The following AGAP2 variants were observed in gnomAD, a reference collection of about 807,000 sequenced individuals.
The protein encoded by AGAP2 is arf-GAP with GTPase, ANK repeat and PH domain-containing protein 2.
A neutral mutation model predicts 110.9 loss-of-function variants in AGAP2; 32 were observed. The ratio of observed to expected loss-of-function variants is 0.29; its 90% CI spans 0.22 to 0.39. The LOEUF (loss-of-function observed/expected upper bound fraction) is 0.39, where lower values mean the gene tolerates loss of function less well. Ranked by LOEUF, AGAP2 falls within the 10% of genes least tolerant of loss-of-function variation. The pLI, the probability that AGAP2 is intolerant of heterozygous loss-of-function variation, is 1.00. For synonymous variants in AGAP2, 702 were observed against 713.0 expected, an observed-to-expected ratio of 0.98 and a Z score of 0.25; for missense variants, 1,285 against 1,638.5, an observed-to-expected ratio of 0.78 and a Z score of 3.72.
Position 57,726,368 on chromosome 12 carries a change from G to T in AGAP2, c.*184C>A. On this transcript the variant is annotated 3_prime_UTR_variant, in exon 19 of 19. Coordinates refer to ENST00000547588, the MANE Select transcript of AGAP2 (RefSeq NM_001122772.3). This position sits in a 1 kb window ranked among gnomAD's most constrained non-coding sequence, Gnocchi z 5.7. The stretch of plus-strand genomic sequence containing the variant: ...GAGCTGGGGTCTCCATGCCTCGTTG[G>T]GGAGAGGGAGGTGAGTTTGTGTCTT... 1 of 438,742 alleles carries T rather than the reference G, an allele frequency of 2.3e-6. No homozygotes were observed. The highest frequency in any genetic ancestry group is 3.4e-6 in the Non-Finnish European group (1 of 292,680). 27.2% of individuals were successfully genotyped at this position (438,742 alleles called of 1,614,324 possible). A position where few individuals can be genotyped will look rare whatever the true frequency, so the allele number is the denominator to read the frequency against.
intron 13 of AGAP2, among the ~76,000 whole-genome samples, 157 bp downstream of exon 13, chr12:57,729,482 G>T (rs967702174): frequency 1.3e-5 from 2 of 152,124 alleles, no homozygotes; most frequent in Non-Finnish European, 2.9e-5. Context: ...GGGGCTGGGG[G>T]ATGTCCATCC....
chr12:57,737,574 T>G lies in AGAP2; in HGVS notation c.673A>C (p.Lys225Gln). 1 of 1,548,698 alleles carries G rather than the reference T, an allele frequency of 6.5e-7. No individual in the cohort carries two copies. The highest frequency in any genetic ancestry group is 1.2e-5 in the South Asian group (1 of 84,154). ...SEGKPRVKGS[K>Q]SSAGTGASVS... ...GAAGCTCCAGTCCCGGCGCTGCTCT[T>G]TGACCCCTTGACCCTGGGCTTGCCC... is the stretch of plus-strand genomic sequence containing the variant. The change falls in exon 1 of 19, where the codon AAG becomes CAG. Residue 225 changes from lysine (K) to glutamine (Q), a missense_variant. By Grantham distance (53) the Lys-to-Gln change is moderately conservative (BLOSUM62 1). Transcript: ENST00000547588. This position sits in a 1 kb window ranked among gnomAD's most constrained non-coding sequence, Gnocchi z 5.9.
chr12:57,732,338 T>A, intron 7 of AGAP2, 65 bp downstream of exon 7: 1 of 1,447,526 alleles, frequency 6.9e-7, no homozygotes, highest in Non-Finnish European at 9.5e-7. Context: ...TCTGTACCTG[T>A]CCTAGGATCC....
Position 57,731,402 on chromosome 12 carries a change from G to C in AGAP2, c.2109C>G (p.Ser703=). The change falls in exon 10 of 19, where the codon TCC becomes TCG. Residue 703 remains serine, a synonymous_variant. Transcript: ENST00000547588. Reference sequence around the variant, plus strand: ...GGTGGTAGAGTAGAAAGCCATTACTGGACAGGGTTACATATTTCTTCTTCC... The same window carrying C: ...GGTGGTAGAGTAGAAAGCCATTACTCGACAGGGTTACATATTTCTTCTTCC... ...KEWKKKYVTL[S]SNGFLLYHPS... 6.2e-7 allele frequency: 1 copy of C among 1,614,152 alleles called. No individual in the cohort carries two copies. The highest frequency in any genetic ancestry group is 1.1e-5 in the South Asian group (1 of 91,082).
At chr12:57,735,342 T>C in intron 2 of AGAP2, 27 bp downstream of exon 2, 1 of 1,612,054 alleles carries the variant, frequency 6.2e-7, no homozygotes, top group South Asian at 1.1e-5. Flanking sequence ...CAGCCTTCCC[T>C]ATAGGCAAGG....
intron 1 of AGAP2, among the ~76,000 whole-genome samples, chr12:57,736,252 G>C (rs1286578634): frequency 6.6e-6 from 1 of 152,178 alleles, no homozygotes; most frequent in African/African-American, 2.4e-5. Context: ...CCTCTCCCGG[G>C]AGTGTGAGCC....
Position 57,738,231 on chromosome 12 carries a change from C to T in AGAP2, c.16G>A (p.Gly6Ser), listed in dbSNP as rs1228237357. The change falls in exon 1 of 19, where the codon GGC (glycine) becomes AGC (serine). Residue 6 changes from glycine to serine, a missense_variant. Coordinates refer to ENST00000547588, the MANE Select transcript of AGAP2 (RefSeq NM_001122772.3). This position sits in a 1 kb window ranked among gnomAD's most constrained non-coding sequence, Gnocchi z 6.7. Reference protein sequence around the residue: MSRGAGALQRRTTTYL... With the variant: MSRGASALQRRTTTYL... ...GTCGTTGTCCGGCGCTGAAGCGCGC[C>T]CGCGCCCCGGCTCATGGGGCCCGGA... 4.0e-6 allele frequency: 6 copies of T among 1,517,544 alleles called. No homozygotes were observed. The highest frequency in any genetic ancestry group is 4.4e-6 in the Non-Finnish European group (5 of 1,137,858). 94.0% of individuals were successfully genotyped at this position (1,517,544 alleles called of 1,614,324 possible). A position where few individuals can be genotyped will look rare whatever the true frequency, so the allele number is the denominator to read the frequency against.
chr12:57,730,634 C>G lies in AGAP2; in HGVS notation c.2309-20G>C. 1 of 1,609,344 alleles carries G rather than the reference C, an allele frequency of 6.2e-7. No individual in the cohort carries two copies. The highest frequency in any genetic ancestry group is 8.5e-7 in the Non-Finnish European group (1 of 1,177,514). On this transcript the variant is annotated intron_variant, in intron 11 of 18. Coordinates refer to ENST00000547588, the MANE Select transcript of AGAP2 (RefSeq NM_001122772.3). ...TGGCTTCTGTCGGAAGAAGATGAAA[C>G]CTCAGTGAGCCTCTTTCTTCTGGCC...
chr12:57,729,805 C>T (rs1228119361), intron 12 of AGAP2, 38 bp from the exon 13 acceptor site: 1 of 1,559,608 alleles, frequency 6.4e-7, no homozygotes, highest in South Asian at 1.2e-5. Context: ...GTAGCCCCCT[C>T]CACAGATTTC....
chr12:57,732,410 G>A lies in AGAP2; in HGVS notation c.1787C>T (p.Ala596Val), dbSNP rs1482210693. Residue 596 changes from alanine (A) to valine (V), a missense_variant, in exon 7 of 19, where the codon GCT (alanine) becomes GTT (valine). Around this residue, in one of 7 missense-constraint regions of AGAP2, gnomAD observed 844 missense variants for 941.2 expected, o/e 0.90. Coordinates refer to ENST00000547588, the MANE Select transcript of AGAP2 (RefSeq NM_001122772.3). ...PSHSAASTPVAGQASNGGHTS... is the reference protein window; with the variant it reads ...PSHSAASTPVVGQASNGGHTS... ...TCTGAAACCCCAACTCACCTGGCCA[G>A]CTACCGGAGTGGATGCAGCTGAGTG... The A allele has an allele frequency of 6.2e-7, 1 of 1,600,660 alleles. No homozygotes were observed.
chr12:57,735,999 C>T (rs900518286), intron 1 of AGAP2, among the ~76,000 whole-genome samples: 1 of 152,184 alleles, frequency 6.6e-6, no homozygotes, highest in Admixed American at 6.5e-5. Flanking sequence ...ATCTCCCACA[C>T]CCTCCCCACA....
rs1954760716 is a variant in AGAP2, at chr12:57,726,268, C to G, written c.*284G>C. The G allele has an allele frequency of 4.7e-6, 1 of 213,960 alleles. No individual in the cohort carries two copies. The highest frequency in any genetic ancestry group is 9.3e-6 in the Non-Finnish European group (1 of 108,066). 13.3% of individuals were successfully genotyped at this position (213,960 alleles called of 1,614,324 possible). A position where few individuals can be genotyped will look rare whatever the true frequency, so the allele number is the denominator to read the frequency against. ...GCCTAGGAGCCCGTACCGCTGGGGA[C>G]CTCCCCTTCCGCGAACCCCGAGCGG... On this transcript the variant is annotated 3_prime_UTR_variant, in exon 19 of 19. Coordinates refer to ENST00000547588, the MANE Select transcript of AGAP2 (RefSeq NM_001122772.3). This position sits in a 1 kb window ranked among gnomAD's most constrained non-coding sequence, Gnocchi z 5.7.
At chr12:57,740,969 T>TG (rs1413661492), upstream of AGAP2, among the ~76,000 whole-genome samples, 1 of 152,326 alleles carries the variant, frequency 6.6e-6, no homozygotes, top group African/African-American at 2.4e-5. Context: ...TGGAGAAGAC[T>TG]GAAATGGCTG....
upstream of AGAP2, chr12:57,742,056 G>T (rs1227772618): frequency 6.2e-7 from 1 of 1,614,046 alleles, no homozygotes; most frequent in Non-Finnish European, 8.5e-7. Context: ...ACAACGAACT[G>T]CCTCTGGGCA....
intron 12 of AGAP2, among the ~76,000 whole-genome samples, chr12:57,730,049 G>T (rs1419268870): frequency 6.6e-6 from 1 of 151,980 alleles, no homozygotes; most frequent in Non-Finnish European, 1.5e-5. Context: ...CTGAAATAGG[G>T]GTAATAATCT....
rs1954763442 is a variant in AGAP2 at position 57,726,444 on chromosome 12, G to A, written c.*108C>T. ...CGTGGGGGTAGGAAGTGCTCCCGTGGGGCGGGGTGCGGATCGGAGAGGTGA... is the reference window on the plus strand; with the variant it reads ...CGTGGGGGTAGGAAGTGCTCCCGTGAGGCGGGGTGCGGATCGGAGAGGTGA... On this transcript the variant is annotated 3_prime_UTR_variant, in exon 19 of 19. Transcript: ENST00000547588. This position sits in a 1 kb window ranked among gnomAD's most constrained non-coding sequence, Gnocchi z 5.7. 3 of 1,076,706 alleles carry A rather than the reference G, an allele frequency of 2.8e-6. No homozygotes were observed. The highest frequency in any genetic ancestry group is 3.9e-4 in the Middle Eastern group (1 of 2,542). 66.7% of individuals were successfully genotyped at this position (1,076,706 alleles called of 1,614,324 possible). A position where few individuals can be genotyped will look rare whatever the true frequency, so the allele number is the denominator to read the frequency against.
intron 13 of AGAP2, among the ~76,000 whole-genome samples, chr12:57,729,321 C>T (rs930662919): frequency 2.0e-5 from 3 of 151,214 alleles, no homozygotes; most frequent in African/African-American, 4.9e-5. Flanking sequence ...GCGGGGCTGC[C>T]GGGTGCAGGG....
At chr12:57,729,093 G>A (rs1633359) in intron 13 of AGAP2, among the ~76,000 whole-genome samples, 52,921 of 149,590 alleles carry the variant, frequency 0.35, 10,189 homozygotes, top group Middle Eastern at 0.58. Flanking sequence ...GGAGAATGGT[G>A]TGAACCCGGG....
intron 5 of AGAP2, 137 bp from the exon 6 acceptor site, chr12:57,733,116 C>A (rs967701711): frequency 7.6e-5 from 89 of 1,176,466 alleles, no homozygotes; most frequent in Admixed American, 2.1e-4. Context: ...TTTTCTGTGA[C>A]CAGGTGGAAT....
Sources: allele counts gnomAD v4.1 joint callset (sites outside exome capture counted in the v4.1 genomes callset), GRCh38; gene constraint gnomAD v4.1.1; regional missense constraint gnomAD v4.1.1; non-coding constraint Gnocchi (gnomAD v3.1); transcripts MANE v1.5; gene names NCBI Gene and HGNC (gene_info 2026-07-23, HGNC 2026-07-21).